The following EPHB1 variants were observed in gnomAD, a reference collection of about 807,000 sequenced individuals.
The protein encoded by EPHB1 is EPH receptor B1.
Under a neutral mutation model 94.4 loss-of-function variants are expected in EPHB1, and 30 were observed. The observed-to-expected ratio is 0.32, with a 90% CI of 0.24 to 0.43. The LOEUF (loss-of-function observed/expected upper bound fraction) is 0.43. Ranked by LOEUF, EPHB1 falls within the 20% of genes least tolerant of loss-of-function variation. EPHB1 has a pLI of 1.00. For synonymous variants in EPHB1, 522 were observed against 489.1 expected (o/e 1.07, Z -0.89); for missense variants, 1,055 against 1,308.3 (o/e 0.81, Z 2.99).
chr3:135,088,677 A>G (rs1390224428), intron 3 of EPHB1, among the ~76,000 whole-genome samples: 1 of 152,192 alleles, frequency 6.6e-6, no homozygotes. Context: ...AAGAAGAGCT[A>G]ACTTTCTCCC....
At chr3:135,241,752 C>T (rs1426262353) in intron 13 of EPHB1, among the ~76,000 whole-genome samples, 1 of 152,206 alleles carries the variant, frequency 6.6e-6, no homozygotes, top group African/African-American at 2.4e-5. Flanking sequence ...GAGCCAGTCG[C>T]AGTTTCTGTG....
intron 12 of EPHB1, among the ~76,000 whole-genome samples, chr3:135,222,561 C>A (rs2107720739): frequency 6.6e-6 from 1 of 152,282 alleles, no homozygotes; most frequent in South Asian, 2.1e-4. Flanking sequence ...TTCTTTCATG[C>A]AAATAGTGGC....
At chr3:135,040,784 C>T (rs980544107) in intron 3 of EPHB1, among the ~76,000 whole-genome samples, 25 of 152,210 alleles carry the variant, frequency 1.6e-4, no homozygotes, top group African/African-American at 5.8e-4. Context: ...TCTTTCTAAA[C>T]TGTAAAGCAT....
At chr3:134,855,712 C>T (rs1326180791) in intron 1 of EPHB1, among the ~76,000 whole-genome samples, 2 of 152,068 alleles carry the variant, frequency 1.3e-5, no homozygotes, top group African/African-American at 4.8e-5. Flanking sequence ...GTCCTTCCAC[C>T]AATGATGCCA....
intron 3 of EPHB1, among the ~76,000 whole-genome samples, chr3:134,996,763 G>A (rs1428419343): frequency 6.6e-6 from 1 of 151,316 alleles, no homozygotes; most frequent in Non-Finnish European, 1.5e-5. Context: ...ATTGCCAGTT[G>A]GACTAAAAAA....
At chr3:135,006,949 T>C (rs138913264) in intron 3 of EPHB1, among the ~76,000 whole-genome samples, 45 of 152,324 alleles carry the variant, frequency 3.0e-4, no homozygotes, top group Middle Eastern at 6.8e-3. Flanking sequence ...CCCTTGTAGA[T>C]TTAACTTGCA....
intron 4 of EPHB1, among the ~76,000 whole-genome samples, chr3:135,122,247 A>G (rs1939996852): frequency 6.6e-6 from 1 of 152,214 alleles, no homozygotes; most frequent in Non-Finnish European, 1.5e-5. Context: ...CTGAGAGAAG[A>G]TAAGTGACTG....
intron 5 of EPHB1, among the ~76,000 whole-genome samples, chr3:135,149,577 A>G (rs1941128141): frequency 6.6e-6 from 1 of 152,216 alleles, no homozygotes; most frequent in Non-Finnish European, 1.5e-5. Context: ...AAGAGGTGAC[A>G]TTTGCCCTTG....
At chr3:135,014,138 G>T (rs1935714022) in intron 3 of EPHB1, among the ~76,000 whole-genome samples, 1 of 152,108 alleles carries the variant, frequency 6.6e-6, no homozygotes, top group Non-Finnish European at 1.5e-5. Flanking sequence ...CTAGGATGTG[G>T]GCACCTGATC....
At chr3:135,031,171 A>G (rs1936451907) in intron 3 of EPHB1, among the ~76,000 whole-genome samples, 1 of 152,164 alleles carries the variant, frequency 6.6e-6, no homozygotes, top group African/African-American at 2.4e-5. Flanking sequence ...GAAATGCAGA[A>G]ATCACCTGTC....
At chr3:134,909,116 G>GGGC (rs1553864842) in intron 1 of EPHB1, among the ~76,000 whole-genome samples, 1 of 117,110 alleles carries the variant, frequency 8.5e-6, no homozygotes, top group African/African-American at 3.1e-5. Flanking sequence ...AGGTGGGGGC[G>GGGC]GGGGGCGGGC....
intron 2 of EPHB1, among the ~76,000 whole-genome samples, chr3:134,929,172 T>C (rs1366845926): frequency 6.6e-6 from 1 of 152,022 alleles, no homozygotes; most frequent in Non-Finnish European, 1.5e-5. Context: ...CCTGTTGAAA[T>C]AGCAAGACAG....
intron 3 of EPHB1, among the ~76,000 whole-genome samples, chr3:135,082,691 A>T (rs942478172): frequency 4.6e-5 from 7 of 152,230 alleles, no homozygotes; most frequent in Non-Finnish European, 1.0e-4. Flanking sequence ...GACACCCCAG[A>T]TAGTGAGATT....
At chr3:134,956,764 A>C (rs1407370941) in intron 3 of EPHB1, among the ~76,000 whole-genome samples, 1 of 152,194 alleles carries the variant, frequency 6.6e-6, no homozygotes, top group East Asian at 1.9e-4. Context: ...GCCATGCTAC[A>C]TATTGCTAGG....
At chr3:134,796,648 T>C (rs78023143) in intron 1 of EPHB1, among the ~76,000 whole-genome samples, 4,997 of 148,002 alleles carry the variant, frequency 0.034, 180 homozygotes, top group African/African-American at 0.082. Context: ...TTCCCCCGCC[T>C]CTGTTCTTCG....
chr3:135,046,614 T>C (rs1559808186), intron 3 of EPHB1, among the ~76,000 whole-genome samples: 2 of 152,200 alleles, frequency 1.3e-5, no homozygotes, highest in Non-Finnish European at 2.9e-5. Context: ...TCTAAAATAT[T>C]AATCCTTCAA....
chr3:134,932,047 G>GTA (rs1312497458), intron 2 of EPHB1, among the ~76,000 whole-genome samples: 1 of 151,936 alleles, frequency 6.6e-6, no homozygotes, highest in Non-Finnish European at 1.5e-5. Context: ...GTGTGTGTGT[G>GTA]TGTATGTATG....
intron 9 of EPHB1, among the ~76,000 whole-genome samples, chr3:135,173,097 G>T (rs550346034): frequency 2.7e-5 from 4 of 150,548 alleles, no homozygotes; most frequent in Admixed American, 2.0e-4. Flanking sequence ...TGCAGTGGCG[G>T]GATCTCAGCT....
chr3:135,179,972 C>T lies in EPHB1; in HGVS notation c.1872C>T (p.Val624=), dbSNP rs370958852. 6.2e-7 allele frequency: 1 copy of T among 1,613,806 alleles called. No individual in the cohort carries two copies. The highest frequency in any genetic ancestry group is 8.5e-7 in the Non-Finnish European group (1 of 1,179,754). The change falls in exon 10 of 16, where the codon GTC becomes GTT. Residue 624 remains valine, a synonymous_variant. Coordinates refer to ENST00000398015, the MANE Select transcript of EPHB1 (RefSeq NM_004441.5). ...IDVSFVKIEE[V]IGAGEFGEVY... Reference sequence around the variant, plus strand: ...TATCTTTTGTGAAAATTGAAGAGGTCATCGGAGCAGGTATGGCTCTTCCCT... The same window carrying T: ...TATCTTTTGTGAAAATTGAAGAGGTTATCGGAGCAGGTATGGCTCTTCCCT...
Sources: gnomAD v4.1 joint callset for allele counts (sites outside exome capture counted in the v4.1 genomes callset) on GRCh38, gnomAD v4.1.1 for gene constraint, MANE v1.5 for transcripts, NCBI Gene and HGNC (gene_info 2026-07-23, HGNC 2026-07-21) for gene names.